Variants in RIMS2 observed in about 807,000 individuals in gnomAD.
The protein encoded by RIMS2 is regulating synaptic membrane exocytosis 2.
In RIMS2, 59 loss-of-function variants were observed where a neutral mutation model predicts 174.4. The ratio of observed to expected loss-of-function variants is 0.34; its 90% confidence interval spans 0.27 to 0.42. RIMS2 has a LOEUF of 0.42. RIMS2 is among the 10% of genes least tolerant of loss of function. RIMS2 has a pLI of 1.00. For missense variants in RIMS2, 1,620 were observed against 1,666.3 expected (o/e 0.97, Z 0.48); for synonymous variants, 606 against 572.5 (o/e 1.06, Z -0.84).
At chr8:103,671,695 A>T (rs1593492) in intron 1 of RIMS2, among the ~76,000 whole-genome samples, 83 of 152,120 alleles carry the variant, frequency 5.5e-4, no homozygotes, top group Non-Finnish European at 1.1e-3. Flanking sequence ...CAAAGACACA[A>T]GTGAGAAGAA....
intron 3 of RIMS2, among the ~76,000 whole-genome samples, chr8:103,802,977 C>T (rs2098624220): frequency 6.6e-6 from 1 of 152,118 alleles, no homozygotes; most frequent in South Asian, 2.1e-4. Context: ...AATTCAGCAT[C>T]ATGGTGGTTT....
chr8:104,223,361 C>G, intron 19 of RIMS2: 1 of 1,175,088 alleles, frequency 8.5e-7, no homozygotes, highest in Non-Finnish European at 1.1e-6. Flanking sequence ...CTCCAGGATT[C>G]TCAGCTCCCT....
chr8:103,804,477 T>A (rs1216369625), intron 3 of RIMS2, among the ~76,000 whole-genome samples: 1 of 147,992 alleles, frequency 6.8e-6, no homozygotes, highest in African/African-American at 2.4e-5. Flanking sequence ...TAAGGTAACA[T>A]AACATATATG....
At chr8:104,031,774 G>T (rs2096398298) in intron 19 of RIMS2, among the ~76,000 whole-genome samples, 1 of 152,140 alleles carries the variant, frequency 6.6e-6, no homozygotes, top group African/African-American at 2.4e-5. Flanking sequence ...AGACAGGTTT[G>T]TCAGGGTTTG....
chr8:103,530,788 A>G (rs1321668184), intron 1 of RIMS2, among the ~76,000 whole-genome samples: 2 of 151,970 alleles, frequency 1.3e-5, no homozygotes, highest in Non-Finnish European at 2.9e-5. Context: ...ACTGTAAGTA[A>G]AAACAAAAAC....
Position 103,990,687 on chromosome 8 carries a change from C to T in RIMS2, c.3044+1266C>T, listed in dbSNP as rs144427353. On this transcript the variant is annotated intron_variant, in intron 17 of 23. Transcript: ENST00000504942. Reference sequence around the variant, plus strand: ...TTGCCTAATATAGCATTTTAATGAGCTTGATTGTTTCTGGAAATTATTTAT... The same window carrying T: ...TTGCCTAATATAGCATTTTAATGAGTTTGATTGTTTCTGGAAATTATTTAT... Among the ~76,000 whole-genome samples the T allele has an allele frequency of 2.6e-3, 395 of 151,908 alleles. 4 individuals carry two copies. Among genetic ancestry groups the T allele is most frequent in the African/African-American group, 8.9e-3 (369 of 41,484 alleles).
chr8:103,796,519 T>C (rs1341888773), intron 3 of RIMS2, among the ~76,000 whole-genome samples: 1 of 152,180 alleles, frequency 6.6e-6, no homozygotes, highest in Non-Finnish European at 1.5e-5. Context: ...TATCTTTTCT[T>C]ACCTCATCTC....
chr8:103,988,715 C>A (rs1455601692), intron 16 of RIMS2, among the ~76,000 whole-genome samples: 1 of 152,138 alleles, frequency 6.6e-6, no homozygotes, highest in Non-Finnish European at 1.5e-5. Context: ...CCACCTCAGC[C>A]TCCCAAAGTG....
At chr8:103,572,387 C>G (rs1368687765) in intron 1 of RIMS2, among the ~76,000 whole-genome samples, 1 of 150,076 alleles carries the variant, frequency 6.7e-6, no homozygotes, top group East Asian at 1.9e-4. Flanking sequence ...ACTGATTGGT[C>G]CATTTTACAG....
intron 2 of RIMS2, among the ~76,000 whole-genome samples, chr8:103,702,070 C>T (rs2097173692): frequency 6.6e-6 from 1 of 152,040 alleles, no homozygotes; most frequent in African/African-American, 2.4e-5. Context: ...TACAAGTGTT[C>T]ACCTTTCTCT....
intron 3 of RIMS2, among the ~76,000 whole-genome samples, chr8:103,823,031 A>C (rs1216323125): frequency 2.0e-5 from 3 of 151,944 alleles, no homozygotes; most frequent in Non-Finnish European, 4.4e-5. Flanking sequence ...AATGATGGCT[A>C]TCTTTTGTGA....
intron 19 of RIMS2, among the ~76,000 whole-genome samples, chr8:104,155,376 G>A (rs1035156470): frequency 2.7e-5 from 4 of 147,874 alleles, no homozygotes; most frequent in African/African-American, 1.0e-4. Flanking sequence ...AAAGTGCTGG[G>A]ATAACAGGCA....
intron 19 of RIMS2, among the ~76,000 whole-genome samples, chr8:104,141,076 A>G (rs2441834): frequency 0.55 from 84,293 of 151,996 alleles, 26,049 homozygotes; most frequent in East Asian, 0.92. Context: ...TTGTTTTTAA[A>G]GAAGACAAAA....
chr8:103,855,436 C>A (rs1455002415), intron 3 of RIMS2, among the ~76,000 whole-genome samples: 5 of 151,948 alleles, frequency 3.3e-5, no homozygotes, highest in Non-Finnish European at 7.4e-5. Context: ...CCTTTAAGTG[C>A]AAAGTTAGAT....
intron 1 of RIMS2, among the ~76,000 whole-genome samples, chr8:103,625,965 G>A (rs565431400): frequency 6.6e-6 from 1 of 151,716 alleles, no homozygotes; most frequent in East Asian, 1.9e-4. Flanking sequence ...TCTCAATAGG[G>A]TATGAACTCC....
intron 3 of RIMS2, among the ~76,000 whole-genome samples, chr8:103,771,466 T>A (rs1277380984): frequency 2.6e-5 from 4 of 152,188 alleles, no homozygotes. Flanking sequence ...TACTATTTAA[T>A]TTGTAGCAGT....
intron 19 of RIMS2, among the ~76,000 whole-genome samples, chr8:104,195,161 A>G (rs1304042731): frequency 6.6e-6 from 1 of 152,218 alleles, no homozygotes; most frequent in Non-Finnish European, 1.5e-5. Flanking sequence ...AATAGAAATT[A>G]GAGATTATGA....
chr8:103,913,823 G>C (rs887504279), intron 6 of RIMS2, among the ~76,000 whole-genome samples: 5 of 152,074 alleles, frequency 3.3e-5, no homozygotes, highest in African/African-American at 1.2e-4. Flanking sequence ...CTATCACAAA[G>C]ACAGCACCAA....
chr8:104,069,810 T>C (rs1437730443), intron 19 of RIMS2, among the ~76,000 whole-genome samples: 2 of 152,154 alleles, frequency 1.3e-5, no homozygotes, highest in African/African-American at 4.8e-5. Context: ...ATTCAAGACA[T>C]TTTTAGTTGC....
Sources: allele counts gnomAD v4.1 joint callset (sites outside exome capture counted in the v4.1 genomes callset), GRCh38; gene constraint gnomAD v4.1.1; transcripts MANE v1.5; gene names NCBI Gene and HGNC (gene_info 2026-07-23, HGNC 2026-07-21).